The following VPS13C variants were observed in gnomAD, a reference collection of about 807,000 sequenced individuals.
VPS13C encodes vacuolar protein sorting 13 homolog C.
VPS13C carries 358 observed loss-of-function variants against 456.8 expected under a neutral mutation model. The ratio of observed to expected loss-of-function variants is 0.78; its 90% CI spans 0.72 to 0.86. VPS13C has a LOEUF of 0.86. VPS13C is among the 40% of genes least tolerant of loss of function. The pLI, the probability that VPS13C is intolerant of heterozygous loss-of-function variation, is 0.00. For missense variants in VPS13C, 4,818 were observed against 4,385.4 expected (o/e 1.10, Z -2.79); for synonymous variants, 1,578 against 1,486.7 (o/e 1.06, Z -1.41).
At chr15:61,928,472 A>T (rs2043943346) in intron 51 of VPS13C, among the ~76,000 whole-genome samples, 1 of 152,218 alleles carries the variant, frequency 6.6e-6, no homozygotes, top group Admixed American at 6.5e-5. Flanking sequence ...ATCACTATTT[A>T]AAAAACATTA....
chr15:62,024,605 C>A (rs2140590835), intron 6 of VPS13C, among the ~76,000 whole-genome samples: 1 of 152,144 alleles, frequency 6.6e-6, no homozygotes. Context: ...GTCCTTCTAC[C>A]CTGTTACCAG....
chr15:61,923,861 C>CTTTTTTTTTTTTTTTTTTTT lies in VPS13C; in HGVS notation c.6610-1119_6610-1100dup, dbSNP rs1188960583. 4.0e-5 allele frequency among the ~76,000 whole-genome samples: 3 copies of CTTTTTTTTTTTTTTTTTTTT among 75,124 alleles called. 1 individual carries two copies. The highest frequency in any genetic ancestry group is 7.3e-5 in the Non-Finnish European group (3 of 41,048). The allele number at this position is 75,124 out of a possible 152,430, so 49.3% of individuals were successfully genotyped here. On this transcript the variant is annotated intron_variant, in intron 53 of 84. Coordinates refer to ENST00000644861, the MANE Select transcript of VPS13C (RefSeq NM_020821.3). ...GCCATATGTGACCACCCCTCTAAATCTTTTTTTTTTTTTTTTTTTTTTGAG... is the reference window on the plus strand; with the variant it reads ...GCCATATGTGACCACCCCTCTAAATCTTTTTTTTTTTTTTTTTTTTTTTTTTTTTTTTTTTTTTTTTTGAG...
At chr15:62,002,293 GT>G (rs953516023) in intron 15 of VPS13C, among the ~76,000 whole-genome samples, 3 of 152,132 alleles carry the variant, frequency 2.0e-5, no homozygotes, top group African/African-American at 7.2e-5. Context: ...TTTTTCATGT[GT>G]TTTTTGGCAG....
At chr15:61,936,354 G>T (rs2044225937) in intron 48 of VPS13C, among the ~76,000 whole-genome samples, 1 of 152,064 alleles carries the variant, frequency 6.6e-6, no homozygotes, top group Non-Finnish European at 1.5e-5. Context: ...AGTGCCTAGT[G>T]AATTCAGCAA....
intron 15 of VPS13C, 109 bp downstream of exon 15, chr15:62,007,199 G>T: frequency 1.1e-6 from 1 of 900,580 alleles, no homozygotes; most frequent in Non-Finnish European, 1.5e-6. Flanking sequence ...CTCAAAAAGA[G>T]GTGAATTCTG....
chr15:61,901,551 A>C (rs994817470), intron 66 of VPS13C, among the ~76,000 whole-genome samples: 5 of 152,190 alleles, frequency 3.3e-5, no homozygotes, highest in African/African-American at 1.2e-4. Context: ...CCAAGACAAA[A>C]CCCCAATGAG....
intron 42 of VPS13C, 150 bp from the exon 43 acceptor site, chr15:61,947,459 T>G (rs76905147): frequency 0.035 from 18,028 of 518,122 alleles, 421 homozygotes; most frequent in Non-Finnish European, 0.046. Context: ...AACATAAATT[T>G]TGGAATAATT....
intron 61 of VPS13C, among the ~76,000 whole-genome samples, chr15:61,913,792 A>G (rs1013747471): frequency 2.6e-5 from 4 of 152,228 alleles, no homozygotes; most frequent in African/African-American, 9.6e-5. Context: ...AAGAGAATTT[A>G]TGTCTTCAAC....
In VPS13C at chr15:61,909,092, C is replaced by T. The variant is rs767073024; in HGVS notation, c.8878G>A (p.Glu2960Lys). 6.8e-6 allele frequency: 11 copies of T among 1,612,802 alleles called. No individual in the cohort carries two copies. The highest frequency in any genetic ancestry group is 2.2e-5 in the South Asian group (2 of 90,992). ...GGILVDVNTA[E>K]HSTVITFSDY... ...GAAAAAGTTATGACAGTTGAATGTT[C>T]GGCAGTGTTTACATCCACCAAGATA... Residue 2960 changes from glutamate to lysine, a missense_variant, in exon 65 of 85, where the codon GAA becomes AAA. Glu to Lys is a moderately conservative substitution (Grantham distance 56). Transcript: ENST00000644861.
chr15:62,012,511 C>T (rs2047081853), intron 11 of VPS13C, among the ~76,000 whole-genome samples: 1 of 151,816 alleles, frequency 6.6e-6, no homozygotes, highest in Admixed American at 6.6e-5. Context: ...TCTGAGAAAT[C>T]AGAGATAGAA....
chr15:61,934,359 A>C (rs773898266), intron 48 of VPS13C, 28 bp from the exon 49 acceptor site: 8 of 1,260,396 alleles, frequency 6.3e-6, no homozygotes, highest in Non-Finnish European at 8.7e-6. Flanking sequence ...AAAGCTTTTA[A>C]GTAGGTACGT....
chr15:62,032,421 A>C (rs531289765), intron 5 of VPS13C, among the ~76,000 whole-genome samples: 1 of 151,912 alleles, frequency 6.6e-6, no homozygotes, highest in Admixed American at 6.6e-5. Context: ...AAAATGTTGA[A>C]GCTTCTAGAA....
chr15:61,984,826 T>G (rs1226829831), intron 19 of VPS13C, 31 bp downstream of exon 19: 10 of 1,602,814 alleles, frequency 6.2e-6, no homozygotes, highest in Non-Finnish European at 8.5e-6. Flanking sequence ...TAACTAAAAG[T>G]AAAAATTGAA....
Position 61,922,490 on chromosome 15 carries a change from T to G in VPS13C, c.6882A>C (p.Arg2294=), listed in dbSNP as rs754771214. The G allele has an allele frequency of 6.2e-7, 1 of 1,614,094 alleles. No homozygotes were observed. The highest frequency in any genetic ancestry group is 8.5e-7 in the Non-Finnish European group (1 of 1,179,962). ...QVTLECGLGH[R]TVPLLLAESK... is the part of the protein sequence containing the mutation. ...ACTCTGCCAATAATAAAGGTACAGT[T>G]CGATGTCCAAGGCCACATTCTAAGG... Residue 2294 remains arginine (R), a synonymous_variant, in exon 54 of 85, where the codon CGA becomes CGC. Coordinates refer to ENST00000644861, the MANE Select transcript of VPS13C (RefSeq NM_020821.3).
At chr15:61,985,689 T>G (rs1303679544) in intron 18 of VPS13C, among the ~76,000 whole-genome samples, 3 of 152,198 alleles carry the variant, frequency 2.0e-5, no homozygotes, top group Non-Finnish European at 4.4e-5. Context: ...GAAAGAAACC[T>G]GTATAGAACA....
rs749025663 is a variant in VPS13C at position 61,920,633 on chromosome 15, T to C, written c.7077A>G (p.Pro2359=). 1.8e-5 allele frequency: 29 copies of C among 1,572,908 alleles called. No homozygotes were observed. In the Admixed American group the frequency reaches 5.8e-4, roughly 32 times the overall value. ...WNLRLDVKKN[P]VQDKSLLPGD... ...CTGGCAGCAAACTTTTATCCTGAAC[T>C]GGGTTCTTCTTTACCTATGAAGAAA... The change falls in exon 56 of 85, where the codon CCA becomes CCG. Residue 2359 remains proline, a synonymous_variant. Coordinates refer to ENST00000644861, the MANE Select transcript of VPS13C (RefSeq NM_020821.3).
chr15:61,994,158 T>C (rs778745846), intron 16 of VPS13C, among the ~76,000 whole-genome samples: 28 of 152,128 alleles, frequency 1.8e-4, no homozygotes, highest in Non-Finnish European at 2.8e-4. Flanking sequence ...CCCTATGTAC[T>C]TTCCATTACA....
chr15:61,920,016 C>T, intron 57 of VPS13C, 51 bp downstream of exon 57: 1 of 1,411,568 alleles, frequency 7.1e-7, no homozygotes, highest in African/African-American at 1.4e-5. Context: ...CAAAAATAAG[C>T]CCACACCAAC....
intron 16 of VPS13C, among the ~76,000 whole-genome samples, chr15:61,992,859 T>G (rs148718077): frequency 6.6e-6 from 1 of 152,044 alleles, no homozygotes; most frequent in East Asian, 1.9e-4. Context: ...GTGGGTTCTC[T>G]CTCAAGAAAG....
Sources: gnomAD v4.1 joint callset for allele counts (sites outside exome capture counted in the v4.1 genomes callset) on GRCh38, gnomAD v4.1.1 for gene constraint, MANE v1.5 for transcripts, NCBI Gene and HGNC (gene_info 2026-07-23, HGNC 2026-07-21) for gene names.